WWOX: variants seen among roughly 807,000 people sequenced by gnomAD.
WWOX encodes the protein WW domain containing oxidoreductase.
WWOX carries 69 observed loss-of-function variants against 46.2 expected under a neutral mutation model. That is an observed-to-expected ratio of 1.49 (90% CI 1.23 to 1.82). The LOEUF is 1.82. WWOX is among the 40% of genes most tolerant of loss of function. The pLI is 0.00. For synonymous variants in WWOX, 359 were observed against 202.6 expected (o/e 1.77, Z -6.56); for missense variants, 919 against 542.6 (o/e 1.69, Z -6.89).
At chr16:78,636,405 T>C (rs1338074877) in intron 8 of WWOX, among the ~76,000 whole-genome samples, 2 of 152,200 alleles carry the variant, frequency 1.3e-5, no homozygotes, top group Admixed American at 6.5e-5. Context: ...TAAAGGAGAT[T>C]ACAGTAGAGG....
chr16:79,180,665 C>A (rs1386396864), intron 8 of WWOX, among the ~76,000 whole-genome samples: 2 of 137,644 alleles, frequency 1.5e-5, no homozygotes, highest in Non-Finnish European at 2.9e-5. Context: ...TTCTTTCTCT[C>A]TCTTCTCTCT....
chr16:78,159,588 G>C (rs566419123), intron 4 of WWOX, among the ~76,000 whole-genome samples: 1 of 151,228 alleles, frequency 6.6e-6, no homozygotes, highest in African/African-American at 2.4e-5. Flanking sequence ...GTGACAGTGA[G>C]CCCCTTTTCA....
At chr16:78,290,278 G>T (rs1156653228) in intron 5 of WWOX, among the ~76,000 whole-genome samples, 3 of 147,974 alleles carry the variant, frequency 2.0e-5, no homozygotes, top group Admixed American at 6.8e-5. Flanking sequence ...CTCCCTCCTC[G>T]TTCCCCCCCC....
chr16:78,548,514 A>G (rs555713596), intron 8 of WWOX, among the ~76,000 whole-genome samples: 4 of 152,300 alleles, frequency 2.6e-5, no homozygotes, highest in South Asian at 4.2e-4. Context: ...TTGTTTTGCA[A>G]ACATTTTAAC....
intron 8 of WWOX, among the ~76,000 whole-genome samples, chr16:78,477,606 G>A (rs961820054): frequency 2.0e-5 from 3 of 150,830 alleles, no homozygotes; most frequent in Non-Finnish European, 2.9e-5. Context: ...TTTCTAATGT[G>A]AGATTTTATT....
chr16:78,783,965 G>A (rs1177870668), intron 8 of WWOX, among the ~76,000 whole-genome samples: 1 of 151,918 alleles, frequency 6.6e-6, no homozygotes, highest in African/African-American at 2.4e-5. Context: ...GGTGATGCTG[G>A]TGATGATGAT....
intron 8 of WWOX, among the ~76,000 whole-genome samples, chr16:78,700,362 C>T (rs1343828553): frequency 1.6e-5 from 2 of 121,974 alleles, no homozygotes; most frequent in African/African-American, 6.3e-5. Flanking sequence ...GAGAGAGAGA[C>T]CATCTCTCTT....
intron 8 of WWOX, among the ~76,000 whole-genome samples, chr16:78,802,102 G>A (rs942789468): frequency 6.6e-6 from 1 of 151,796 alleles, no homozygotes; most frequent in Non-Finnish European, 1.5e-5. Context: ...CAAGGAATGT[G>A]CCTGTGCGTG....
At chr16:78,825,126 G>A (rs1017217408) in intron 8 of WWOX, among the ~76,000 whole-genome samples, 1 of 152,128 alleles carries the variant, frequency 6.6e-6, no homozygotes, top group Non-Finnish European at 1.5e-5. Context: ...GGTCAAGTGA[G>A]TTTCATAAGG....
chr16:78,510,829 C>T (rs79821489), intron 8 of WWOX, among the ~76,000 whole-genome samples: 5 of 152,354 alleles, frequency 3.3e-5, no homozygotes, highest in Non-Finnish European at 5.9e-5. Flanking sequence ...TCACTTCCAT[C>T]AGCTGCTAAC....
At chr16:79,009,272 C>T (rs1020713890) in intron 8 of WWOX, among the ~76,000 whole-genome samples, 3 of 152,176 alleles carry the variant, frequency 2.0e-5, no homozygotes, top group African/African-American at 4.8e-5. Context: ...AAAGTTTCTC[C>T]TGCTCTTTGC....
At chr16:78,854,618 T>C (rs2052525299) in intron 8 of WWOX, among the ~76,000 whole-genome samples, 1 of 152,246 alleles carries the variant, frequency 6.6e-6, no homozygotes, top group African/African-American at 2.4e-5. Context: ...TGTTGCTTTG[T>C]CACCCAGACT....
intron 8 of WWOX, among the ~76,000 whole-genome samples, chr16:78,528,877 C>T (rs1438516269): frequency 1.3e-5 from 2 of 152,040 alleles, no homozygotes; most frequent in Non-Finnish European, 2.9e-5. Flanking sequence ...AGCTTACTCA[C>T]ATCATAGATG....
intron 8 of WWOX, chr16:79,110,861 C>G (rs967690376): frequency 6.6e-6 from 1 of 152,128 alleles, no homozygotes; most frequent in Non-Finnish European, 1.5e-5. Flanking sequence ...GTTTTCTCAT[C>G]ATTAAAATGA....
chr16:78,144,502 T>C (rs8063893), intron 4 of WWOX, among the ~76,000 whole-genome samples: 8,218 of 19,212 alleles, frequency 0.43, 2,036 homozygotes, highest in African/African-American at 0.53. Flanking sequence ...CACACACACA[T>C]ATATATATAT....
Position 78,640,936 on chromosome 16 carries a change from C to T in WWOX, c.1056+208184C>T, listed in dbSNP as rs953595995. Among the ~76,000 whole-genome samples the T allele has an allele frequency of 4.0e-3, 152 of 38,202 alleles. 2 individuals are homozygous for T. The highest frequency in any genetic ancestry group is 0.01 in the African/African-American group (145 of 14,074). The allele number at this position is 38,202 out of a possible 152,430, so 25.1% of individuals were successfully genotyped here. ...TCTGGGTGACAGCGCGAGATTCTGT[C>T]TTCAAAAAAAAAAAAAAGAAGAAGA... On this transcript the variant is annotated intron_variant, in intron 8 of 8. Transcript: ENST00000566780.
chr16:78,864,803 C>T (rs1163721351), intron 8 of WWOX, among the ~76,000 whole-genome samples: 1 of 136,364 alleles, frequency 7.3e-6, no homozygotes, highest in African/African-American at 2.8e-5. Context: ...CACTCTATTG[C>T]CCAGGCTGGA....
At chr16:79,162,849 C>T (rs1463429418) in intron 8 of WWOX, among the ~76,000 whole-genome samples, 1 of 152,128 alleles carries the variant, frequency 6.6e-6, no homozygotes, top group Non-Finnish European at 1.5e-5. Context: ...CATGTCTTCC[C>T]AGAGAGCTTC....
rs557555244 is a variant in WWOX at position 78,841,791 on chromosome 16, T to C, written c.1057-369817T>C. Among the ~76,000 whole-genome samples the C allele has an allele frequency of 2.0e-5, 3 of 152,344 alleles. No individual in the cohort carries two copies. The East Asian group carries it at 5.8e-4, about 29-fold the overall frequency. The stretch of plus-strand genomic sequence containing the variant: ...TTATGTTTTCTTTAAAAAAAATTTA[T>C]GACATATTACTTTTGCTAATTATGT... On this transcript the variant is annotated intron_variant, in intron 8 of 8. Transcript: ENST00000566780.
Sources: allele counts gnomAD v4.1 joint callset (sites outside exome capture counted in the v4.1 genomes callset), GRCh38; gene constraint gnomAD v4.1.1; transcripts MANE v1.5; gene names NCBI Gene and HGNC (gene_info 2026-07-23, HGNC 2026-07-21).